Variants in ZNF618 observed in about 807,000 individuals in gnomAD.
ZNF618 encodes the protein neural precursor cell expressed, developmentally down-regulated 10.
In ZNF618, 34 loss-of-function variants were observed where a neutral mutation model predicts 103.0. The ratio of observed to expected loss-of-function variants is 0.33; its 90% confidence interval spans 0.25 to 0.44. The LOEUF is 0.44. Among genes scored for constraint, ZNF618 ranks in the 20% least tolerant of loss-of-function variants. The pLI, the probability that ZNF618 is intolerant of heterozygous loss-of-function variation, is 1.00. For missense variants in ZNF618, 1,059 were observed against 1,295.4 expected, an observed-to-expected ratio of 0.82 and a Z score of 2.80; for synonymous variants, 551 against 542.2, an observed-to-expected ratio of 1.02 and a Z score of -0.23.
intron 1 of ZNF618, among the ~76,000 whole-genome samples, chr9:113,961,923 T>C (rs1243225461): frequency 6.6e-6 from 1 of 152,144 alleles, no homozygotes; most frequent in African/African-American, 2.4e-5. Context: ...ATTGGTTCCA[T>C]AGGGGAAGGG....
In ZNF618 at chr9:113,899,446, T is replaced by C. The variant is rs373932142; in HGVS notation, c.33+23033T>C. ...CTGTATAGCAGGAGGTAAGCCAGCATTACCTGAGCTCTGCCTCCTGGCAGA... is the reference window on the plus strand; with the variant it reads ...CTGTATAGCAGGAGGTAAGCCAGCACTACCTGAGCTCTGCCTCCTGGCAGA... On this transcript the variant is annotated intron_variant, in intron 1 of 14. Coordinates refer to ENST00000374126, the MANE Select transcript of ZNF618 (RefSeq NM_001318042.2). Among the ~76,000 whole-genome samples, 9 of 152,176 alleles carry C rather than the reference T, an allele frequency of 5.9e-5. No individual in the cohort carries two copies. The East Asian group carries it at 9.6e-4, about 16-fold the overall frequency.
intron 2 of ZNF618, 38 bp downstream of exon 2, chr9:113,969,198 C>G (rs183129306): frequency 5.6e-6 from 9 of 1,613,260 alleles, no homozygotes; most frequent in Non-Finnish European, 7.6e-6. Context: ...GTCCACCCAT[C>G]GACTCAGGTC....
chr9:113,924,510 T>C (rs1832909152), intron 1 of ZNF618, among the ~76,000 whole-genome samples: 1 of 151,384 alleles, frequency 6.6e-6, no homozygotes, highest in Non-Finnish European at 1.5e-5. Context: ...ATTAGTTTCA[T>C]TAATTTTCTC....
In ZNF618 at chr9:113,929,021, A is replaced by G. The variant is rs529955550; in HGVS notation, c.34-40096A>G. Among the ~76,000 whole-genome samples the G allele has an allele frequency of 1.1e-3, 173 of 152,266 alleles. 1 individual carries two copies. The highest frequency in any genetic ancestry group is 3.4e-3 in the Middle Eastern group (1 of 294). On this transcript the variant is annotated intron_variant, in intron 1 of 14. Coordinates refer to ENST00000374126, the MANE Select transcript of ZNF618 (RefSeq NM_001318042.2). ...TTTGCTCTGGAGAACAGCACACTCT[A>G]TGCTATTTCAGAATGATCACTTTTC...
At position 114,009,488 on chromosome 9, in the gene ZNF618, T is replaced by C. The variant is rs532644852; in HGVS notation, c.754+934T>C. Among the ~76,000 whole-genome samples, 30 of 152,148 alleles carry C rather than the reference T, an allele frequency of 2.0e-4. No homozygotes were observed. The East Asian group carries it at 4.1e-3, about 21-fold the overall frequency. ...CCCCATTTTGCTGCTGGGAGGAAGA[T>C]AGATTGGGAGGGGCTGGGTGGCCAG... On this transcript the variant is annotated intron_variant, in intron 9 of 14. Coordinates refer to ENST00000374126, the MANE Select transcript of ZNF618 (RefSeq NM_001318042.2).
intron 1 of ZNF618, among the ~76,000 whole-genome samples, chr9:113,966,982 A>G (rs1837465129): frequency 6.6e-6 from 1 of 152,238 alleles, no homozygotes; most frequent in Non-Finnish European, 1.5e-5. Context: ...ACAAAGGTGG[A>G]GATTATTAGG....
chr9:114,054,940 C>G lies in ZNF618; in HGVS notation c.*4773C>G, dbSNP rs1223716724. 2.9e-5 allele frequency: 4 copies of G among 137,004 alleles called. No individual in the cohort carries two copies. The highest frequency in any genetic ancestry group is 4.8e-5 in the Non-Finnish European group (3 of 63,114). 8.5% of individuals were successfully genotyped at this position (137,004 alleles called of 1,614,324 possible). A position where few individuals can be genotyped will look rare whatever the true frequency, so the allele number is the denominator to read the frequency against. ...TATTCATGCCCCGTCCCTTCCCCCCCCACCCCCCCGCCCACCCACCACGGG... is the reference window on the plus strand; with the variant it reads ...TATTCATGCCCCGTCCCTTCCCCCCGCACCCCCCCGCCCACCCACCACGGG... On this transcript the variant is annotated 3_prime_UTR_variant, in exon 15 of 15. Transcript: ENST00000374126.
chr9:114,003,527 A>G (rs1841450368), intron 6 of ZNF618, among the ~76,000 whole-genome samples: 1 of 152,270 alleles, frequency 6.6e-6, no homozygotes, highest in Non-Finnish European at 1.5e-5. Flanking sequence ...TAAAGTAGTG[A>G]GAACGAACAA....
intron 1 of ZNF618, among the ~76,000 whole-genome samples, chr9:113,886,672 C>G (rs999814090): frequency 6.6e-6 from 1 of 151,868 alleles, no homozygotes; most frequent in African/African-American, 2.4e-5. Flanking sequence ...TACTAGCCTT[C>G]GTTGGAATTT....
rs1016300607 is a variant in ZNF618 at position 114,053,056 on chromosome 9, C to T, written c.*2889C>T. On this transcript the variant is annotated 3_prime_UTR_variant, in exon 15 of 15. Transcript: ENST00000374126. ...CAAGATAGCAGATGATTGTTTCTTG[C>T]AACCTCTGGTTCCCTCCGGAAACTG... The T allele has an allele frequency of 5.9e-5, 9 of 152,424 alleles. No individual in the cohort carries two copies. Among genetic ancestry groups the T allele is most frequent in the African/African-American group, 1.9e-4 (8 of 41,452 alleles). 9.4% of individuals were successfully genotyped at this position (152,424 alleles called of 1,614,324 possible). A position where few individuals can be genotyped will look rare whatever the true frequency, so the allele number is the denominator to read the frequency against.
intron 1 of ZNF618, among the ~76,000 whole-genome samples, chr9:113,917,425 T>A (rs968971050): frequency 7.3e-5 from 11 of 151,288 alleles, no homozygotes; most frequent in South Asian, 2.1e-4. Flanking sequence ...TTTTTTTTTT[T>A]AAATCTTTTG....
chr9:114,026,320 G>GTGA (rs767929569), intron 10 of ZNF618, among the ~76,000 whole-genome samples: 3 of 152,206 alleles, frequency 2.0e-5, no homozygotes, highest in Non-Finnish European at 4.4e-5. Flanking sequence ...GAGCACACAG[G>GTGA]TGATGCCCTC....
intron 9 of ZNF618, among the ~76,000 whole-genome samples, chr9:114,014,327 A>G (rs964648258): frequency 6.6e-6 from 1 of 152,194 alleles, no homozygotes; most frequent in African/African-American, 2.4e-5. Flanking sequence ...CCTTATCTTT[A>G]CTCTGCACTT....
intron 10 of ZNF618, among the ~76,000 whole-genome samples, chr9:114,020,726 T>A (rs1314414325): frequency 6.6e-6 from 1 of 152,128 alleles, no homozygotes; most frequent in Non-Finnish European, 1.5e-5. Context: ...CTTTTGCATA[T>A]TGATGTCATC....
At chr9:113,901,111 C>T (rs1370316433) in intron 1 of ZNF618, among the ~76,000 whole-genome samples, 1 of 147,434 alleles carries the variant, frequency 6.8e-6, no homozygotes, top group African/African-American at 2.5e-5. Flanking sequence ...CCCGCAAACC[C>T]GACCTCCTGT....
chr9:113,909,650 G>T (rs1314195771), intron 1 of ZNF618, among the ~76,000 whole-genome samples: 2 of 152,272 alleles, frequency 1.3e-5, no homozygotes, highest in East Asian at 3.9e-4. Flanking sequence ...CTTGCTTGGG[G>T]ATGGGTGGTG....
chr9:113,950,323 G>A (rs1835443525), intron 1 of ZNF618, among the ~76,000 whole-genome samples: 1 of 152,150 alleles, frequency 6.6e-6, no homozygotes, highest in South Asian at 2.1e-4. Flanking sequence ...TCCTGGCTCT[G>A]CTGGCTGTGT....
At chr9:113,946,014 C>G (rs1469078457) in intron 1 of ZNF618, among the ~76,000 whole-genome samples, 1 of 152,188 alleles carries the variant, frequency 6.6e-6, no homozygotes, top group South Asian at 2.1e-4. Flanking sequence ...CAAATTTGAG[C>G]TTTGAGGCTC....
chr9:114,001,943 AC>A, intron 4 of ZNF618, 52 bp from the exon 5 acceptor site: 1 of 1,513,610 alleles, frequency 6.6e-7, no homozygotes, highest in Non-Finnish European at 9.2e-7. Context: ...GGGTCCTGGG[AC>A]CTTGTGGTCA....
Sources: gnomAD v4.1 joint callset for allele counts (sites outside exome capture counted in the v4.1 genomes callset) on GRCh38, gnomAD v4.1.1 for gene constraint, MANE v1.5 for transcripts, NCBI Gene and HGNC (gene_info 2026-07-23, HGNC 2026-07-21) for gene names.